CDH18: variants seen among roughly 807,000 people sequenced by gnomAD.
CDH18 encodes the protein cadherin 18.
In CDH18, 31 loss-of-function variants were observed where a neutral mutation model predicts 67.9. That is an observed-to-expected ratio of 0.46 (90% CI 0.34 to 0.62). CDH18 has a LOEUF of 0.62. Among genes scored for constraint, CDH18 ranks in the 20% least tolerant of loss-of-function variants. The pLI is 0.01. For missense variants in CDH18, 890 were observed against 975.5 expected, an observed-to-expected ratio of 0.91 and a Z score of 1.17; for synonymous variants, 362 against 347.2, an observed-to-expected ratio of 1.04 and a Z score of -0.48.
At chr5:20,217,305 T>A (rs1385208134) in intron 2 of CDH18, among the ~76,000 whole-genome samples, 1 of 151,734 alleles carries the variant, frequency 6.6e-6, no homozygotes, top group African/African-American at 2.4e-5. Flanking sequence ...TCAAAAATAA[T>A]AATGACAATA....
chr5:19,857,546 T>C (rs1025638168), intron 2 of CDH18, among the ~76,000 whole-genome samples: 1 of 152,112 alleles, frequency 6.6e-6, no homozygotes, highest in Non-Finnish European at 1.5e-5. Context: ...CATATATATG[T>C]CTTGCTTGGT....
rs1455859672 is a variant in CDH18 at position 20,501,534 on chromosome 5, ATT to A, written c.-580+73926_-580+73927del. Among the ~76,000 whole-genome samples, 17 of 49,642 alleles carry A rather than the reference ATT, an allele frequency of 3.4e-4. 1 individual carries two copies. Among genetic ancestry groups the A allele is most frequent in the East Asian group, 2.0e-3 (2 of 990 alleles). 32.6% of individuals were successfully genotyped at this position (49,642 alleles called of 152,430 possible). A position where few individuals can be genotyped will look rare whatever the true frequency, so the allele number is the denominator to read the frequency against. ...TATATATTATATACATATTATATAT[ATT>A]ATATACATATTATATATATAATATA... is the stretch of plus-strand genomic sequence containing the variant. On this transcript the variant is annotated intron_variant, in intron 1 of 14. Coordinates refer to the CDH18 transcript ENST00000507958.
chr5:19,476,334 T>C (rs971817912), intron 12 of CDH18, among the ~76,000 whole-genome samples: 3 of 152,088 alleles, frequency 2.0e-5, no homozygotes, highest in Non-Finnish European at 4.4e-5. Flanking sequence ...AAATGAAATG[T>C]TGGTGCTACA....
chr5:20,170,986 C>T (rs543110486), intron 2 of CDH18, among the ~76,000 whole-genome samples: 1 of 151,890 alleles, frequency 6.6e-6, no homozygotes, highest in East Asian at 1.9e-4. Context: ...CATTAGTTTG[C>T]TAAGGATAAT....
chr5:19,655,954 C>T (rs940704356), intron 5 of CDH18, among the ~76,000 whole-genome samples: 5 of 148,674 alleles, frequency 3.4e-5, no homozygotes, highest in Non-Finnish European at 7.4e-5. Context: ...AGAGGAAGCA[C>T]GAGAGAAGAG....
intron 2 of CDH18, among the ~76,000 whole-genome samples, chr5:20,092,575 C>T (rs2150562376): frequency 6.6e-6 from 1 of 152,176 alleles, no homozygotes; most frequent in South Asian, 2.1e-4. Context: ...AAACTTTTCT[C>T]TTTGATGACT....
chr5:19,915,004 T>C (rs1421767503), intron 2 of CDH18, among the ~76,000 whole-genome samples: 1 of 152,160 alleles, frequency 6.6e-6, no homozygotes, highest in Non-Finnish European at 1.5e-5. Flanking sequence ...AAATGTCCTA[T>C]GTGATAGAGT....
chr5:19,598,887 C>T (rs1344706125), intron 6 of CDH18, among the ~76,000 whole-genome samples: 2 of 151,890 alleles, frequency 1.3e-5, no homozygotes, highest in African/African-American at 2.4e-5. Flanking sequence ...CACAGAATTA[C>T]TAAAATTTGC....
chr5:20,128,575 C>T (rs1398147573), intron 2 of CDH18, among the ~76,000 whole-genome samples: 1 of 152,044 alleles, frequency 6.6e-6, no homozygotes, highest in Admixed American at 6.5e-5. Context: ...AAAAACAATT[C>T]ATTGTCCACA....
intron 2 of CDH18, among the ~76,000 whole-genome samples, chr5:19,840,107 TAAAAAAAAAAATGAGCC>T (rs1336359342): frequency 7.0e-6 from 1 of 141,900 alleles, no homozygotes; most frequent in African/African-American, 2.6e-5. Flanking sequence ...AATAAAAAAA[TAAAAAAAAAAATGAGCC>T]GGGCTTGGTG....
chr5:20,154,626 G>C (rs1243650379), intron 2 of CDH18, among the ~76,000 whole-genome samples: 1 of 152,046 alleles, frequency 6.6e-6, no homozygotes, highest in East Asian at 1.9e-4. Context: ...CTCAGTCTCT[G>C]TGCCATTCTT....
intron 2 of CDH18, among the ~76,000 whole-genome samples, chr5:20,230,853 A>G (rs75041325): frequency 0.011 from 1,689 of 152,336 alleles, 31 homozygotes; most frequent in African/African-American, 0.038. Flanking sequence ...CAAACAAACA[A>G]GAGAAATAAT....
intron 2 of CDH18, among the ~76,000 whole-genome samples, chr5:20,153,798 G>A (rs1163687121): frequency 6.6e-6 from 1 of 152,040 alleles, no homozygotes; most frequent in Non-Finnish European, 1.5e-5. Flanking sequence ...AGTTTTATTG[G>A]ATTAAGGCTC....
chr5:19,597,883 C>CT (rs970699012), intron 6 of CDH18, among the ~76,000 whole-genome samples: 3 of 152,044 alleles, frequency 2.0e-5, no homozygotes, highest in African/African-American at 4.8e-5. Flanking sequence ...TTATATTCAT[C>CT]TTTTTTTGTA....
intron 2 of CDH18, among the ~76,000 whole-genome samples, chr5:20,196,346 T>C (rs1165894233): frequency 2.0e-5 from 3 of 152,186 alleles, no homozygotes; most frequent in Non-Finnish European, 4.4e-5. Flanking sequence ...ACCATTCTTA[T>C]CTTTATTTTA....
intron 2 of CDH18, among the ~76,000 whole-genome samples, chr5:20,005,704 AG>A (rs766540510): frequency 6.6e-6 from 1 of 152,048 alleles, no homozygotes; most frequent in South Asian, 2.1e-4. Context: ...AACAAAAGAA[AG>A]ACACTGATGC....
chr5:19,955,176 A>T (rs1054249631), intron 2 of CDH18, among the ~76,000 whole-genome samples: 1 of 152,032 alleles, frequency 6.6e-6, no homozygotes, highest in African/African-American at 2.4e-5. Flanking sequence ...CATGATTGTA[A>T]GTTTCCTGAG....
chr5:19,987,481 A>G (rs1799687448), intron 1 of CDH18, among the ~76,000 whole-genome samples: 1 of 152,130 alleles, frequency 6.6e-6, no homozygotes, highest in Admixed American at 6.6e-5. Flanking sequence ...CTTTAAAAGA[A>G]GCAAAAGTTT....
intron 4 of CDH18, among the ~76,000 whole-genome samples, chr5:19,725,083 C>T (rs1279145799): frequency 5.3e-5 from 8 of 152,106 alleles, no homozygotes; most frequent in African/African-American, 1.4e-4. Context: ...CCCGCCACCA[C>T]GCCTGGCTAA....
Sources: gnomAD v4.1 joint callset for allele counts (sites outside exome capture counted in the v4.1 genomes callset) on GRCh38, gnomAD v4.1.1 for gene constraint, MANE v1.5 for transcripts, NCBI Gene and HGNC (gene_info 2026-07-23, HGNC 2026-07-21) for gene names.